Variants in BANK1 observed in about 807,000 individuals in gnomAD.
BANK1 encodes the protein B-cell scaffold protein with ankyrin repeats.
A neutral mutation model predicts 94.5 loss-of-function variants in BANK1; 95 were observed. The ratio of observed to expected loss-of-function variants is 1.00; its 90% CI spans 0.85 to 1.19. BANK1 has a LOEUF of 1.19. BANK1 is among the 50% of genes most tolerant of loss of function. The pLI, the probability that BANK1 is intolerant of heterozygous loss-of-function variation, is 0.00. For synonymous variants in BANK1, 334 were observed against 308.4 expected (o/e 1.08, Z -0.87); for missense variants, 987 against 932.2 (o/e 1.06, Z -0.77).
At chr4:101,903,567 T>A (rs1234809826) in intron 6 of BANK1, among the ~76,000 whole-genome samples, 1 of 152,200 alleles carries the variant, frequency 6.6e-6, no homozygotes, top group Non-Finnish European at 1.5e-5. Context: ...TCTGGATCTA[T>A]TCAATTTATT....
intron 7 of BANK1, among the ~76,000 whole-genome samples, chr4:102,010,528 G>A (rs1475777236): frequency 6.6e-6 from 1 of 151,450 alleles, no homozygotes; most frequent in Non-Finnish European, 1.5e-5. Context: ...AAGTAGCTGA[G>A]ATTACAAGCA....
intron 2 of BANK1, among the ~76,000 whole-genome samples, chr4:101,850,277 GGTTT>G (rs1176109300): frequency 2.0e-5 from 3 of 151,766 alleles, no homozygotes; most frequent in Non-Finnish European, 4.4e-5. Context: ...TTGGTTGGTT[GGTTT>G]GTTTTTTTGA....
At chr4:101,972,064 G>T (rs1275854386) in intron 7 of BANK1, among the ~76,000 whole-genome samples, 1 of 151,998 alleles carries the variant, frequency 6.6e-6, no homozygotes, top group African/African-American at 2.4e-5. Flanking sequence ...TCTGTAAATT[G>T]CTTTGAATAG....
chr4:101,935,217 T>C (rs140742921), intron 7 of BANK1, among the ~76,000 whole-genome samples: 1 of 151,480 alleles, frequency 6.6e-6, no homozygotes, highest in Non-Finnish European at 1.5e-5. Flanking sequence ...CAAATTAACA[T>C]AGTAAAACTG....
intron 3 of BANK1, among the ~76,000 whole-genome samples, chr4:101,858,509 T>C (rs1017072694): frequency 6.6e-6 from 1 of 152,190 alleles, no homozygotes; most frequent in Non-Finnish European, 1.5e-5. Context: ...AACCCAGATC[T>C]TTAAATATAT....
At chr4:101,998,597 C>T (rs1843680) in intron 7 of BANK1, among the ~76,000 whole-genome samples, 51,086 of 151,916 alleles carry the variant, frequency 0.34, 9,766 homozygotes, top group Non-Finnish European at 0.43. Flanking sequence ...TCTGGGTGCT[C>T]CTGTAGTGGG....
At chr4:101,914,448 G>C (rs1297033382) in intron 6 of BANK1, among the ~76,000 whole-genome samples, 2 of 151,982 alleles carry the variant, frequency 1.3e-5, no homozygotes, top group Non-Finnish European at 1.5e-5. Flanking sequence ...TGCTGCAATG[G>C]GAAACCAATT....
chr4:101,923,365 G>A lies in BANK1; in HGVS notation c.1206+5176G>A, dbSNP rs181820117. Among the ~76,000 whole-genome samples, 318 of 151,136 alleles carry A rather than the reference G, an allele frequency of 2.1e-3. 2 individuals are homozygous for A. The highest frequency in any genetic ancestry group is 7.6e-3 in the African/African-American group (312 of 41,300). ...TTGTTTAAAGACTATATATATATAT[G>A]TGTGTGTGTGTGTGCTTTGCATTTA... On this transcript the variant is annotated intron_variant, in intron 7 of 16. Transcript: ENST00000322953.
At chr4:101,867,224 C>T (rs1462690580) in intron 4 of BANK1, among the ~76,000 whole-genome samples, 1 of 144,642 alleles carries the variant, frequency 6.9e-6, no homozygotes, top group Non-Finnish European at 1.5e-5. Flanking sequence ...TCTTCAGAAA[C>T]CACACAAGCA....
chr4:101,885,130 T>C (rs952272401), intron 5 of BANK1, among the ~76,000 whole-genome samples: 1 of 152,230 alleles, frequency 6.6e-6, no homozygotes, highest in South Asian at 2.1e-4. Flanking sequence ...GTTGGCAGGC[T>C]AGTCTGGAAC....
intron 6 of BANK1, among the ~76,000 whole-genome samples, chr4:101,901,909 C>T (rs991724359): frequency 6.6e-6 from 1 of 152,070 alleles, no homozygotes; most frequent in Admixed American, 6.6e-5. Context: ...TACAGGCGCC[C>T]GCCAACACAC....
chr4:101,805,420 T>C lies in BANK1; in HGVS notation c.70+14470T>C, dbSNP rs111283031. Among the ~76,000 whole-genome samples the C allele has an allele frequency of 5.9e-3, 902 of 152,142 alleles. 8 individuals carry two copies. The highest frequency in any genetic ancestry group is 0.021 in the African/African-American group (872 of 41,532). ...AGAAAAGGGTAACCTCTGGCATCAG[T>C]TCAGTAGACATAAGCATGTTAATAG... On this transcript the variant is annotated intron_variant, in intron 1 of 16. Coordinates refer to ENST00000322953, the MANE Select transcript of BANK1 (RefSeq NM_017935.5).
chr4:102,030,734 C>T (rs926403617), intron 10 of BANK1, among the ~76,000 whole-genome samples: 1 of 152,114 alleles, frequency 6.6e-6, no homozygotes. Context: ...ATGATGGTTT[C>T]CAGCATCATC....
At chr4:101,860,777 C>T (rs1394029808) in intron 3 of BANK1, among the ~76,000 whole-genome samples, 2 of 152,060 alleles carry the variant, frequency 1.3e-5, no homozygotes, top group South Asian at 2.1e-4. Flanking sequence ...AGTTGGGAGT[C>T]GGTTGGGTGG....
In BANK1 at chr4:101,855,177, A is replaced by G; in HGVS notation, c.612A>G (p.Glu204=). 1 of 1,612,906 alleles carries G rather than the reference A, an allele frequency of 6.2e-7. No homozygotes were observed. The highest frequency in any genetic ancestry group is 8.5e-7 in the Non-Finnish European group (1 of 1,179,270). The part of the protein sequence containing the change: ...TIPLAVVLPT[E]IPCENPGEIF... ...CACTAGCAGTGGTGCTTCCCACTGA[A>G]ATTCCATGTGAGGTCAGTAAAGATA... The change falls in exon 3 of 17, where the codon GAA becomes GAG. Residue 204 remains glutamate (E), a synonymous_variant. Coordinates refer to ENST00000322953, the MANE Select transcript of BANK1 (RefSeq NM_017935.5).
intron 11 of BANK1, among the ~76,000 whole-genome samples, chr4:102,045,191 C>T (rs192124359): frequency 2.0e-5 from 3 of 152,106 alleles, no homozygotes; most frequent in African/African-American, 7.2e-5. Context: ...TTTAATCCAT[C>T]TTGATTATCT....
chr4:101,857,683 G>GA (rs1405695655), intron 3 of BANK1, among the ~76,000 whole-genome samples: 2 of 152,056 alleles, frequency 1.3e-5, no homozygotes, highest in Non-Finnish European at 2.9e-5. Context: ...TCAAACAGCA[G>GA]AAAAATATTT....
intron 7 of BANK1, among the ~76,000 whole-genome samples, chr4:102,008,444 C>G (rs1012467052): frequency 6.6e-6 from 1 of 152,310 alleles, no homozygotes; most frequent in South Asian, 2.1e-4. Flanking sequence ...CTGCTGCTAG[C>G]TGCATAGCAC....
At chr4:101,975,972 T>C (rs1725113060) in intron 7 of BANK1, among the ~76,000 whole-genome samples, 1 of 152,132 alleles carries the variant, frequency 6.6e-6, no homozygotes, top group South Asian at 2.1e-4. Flanking sequence ...TCAAAGGTCT[T>C]TTCTCAAAGA....
Sources: allele counts gnomAD v4.1 joint callset (sites outside exome capture counted in the v4.1 genomes callset), GRCh38; gene constraint gnomAD v4.1.1; transcripts MANE v1.5; gene names NCBI Gene and HGNC (gene_info 2026-07-23, HGNC 2026-07-21).